Variants in PMEPA1 observed in about 807,000 individuals in gnomAD.
PMEPA1 encodes the protein prostate transmembrane protein, androgen induced 1.
In PMEPA1, 11 loss-of-function variants were observed where a neutral mutation model predicts 23.0. The observed-to-expected ratio is 0.48, with a 90% CI of 0.30 to 0.79. The LOEUF (loss-of-function observed/expected upper bound fraction) is 0.79. Among genes scored for constraint, PMEPA1 ranks in the 30% least tolerant of loss-of-function variants. The pLI, the probability that PMEPA1 is intolerant of heterozygous loss-of-function variation, is 0.06. For missense variants in PMEPA1, 377 were observed against 390.9 expected (o/e 0.96, Z 0.30); for synonymous variants, 204 against 166.4 (o/e 1.23, Z -1.74).
intron 1 of PMEPA1, among the ~76,000 whole-genome samples, chr20:57,677,894 C>T (rs532632553): frequency 7.2e-5 from 11 of 152,206 alleles, no homozygotes; most frequent in Non-Finnish European, 1.3e-4. Context: ...CTGACACCTA[C>T]AGCAACGTGG....
chr20:57,708,884 G>A (rs1416118729), intron 1 of PMEPA1, among the ~76,000 whole-genome samples: 1 of 151,928 alleles, frequency 6.6e-6, no homozygotes, highest in Non-Finnish European at 1.5e-5. Flanking sequence ...AAGACTCGGT[G>A]ACACGCACTC....
intron 1 of PMEPA1, among the ~76,000 whole-genome samples, chr20:57,699,425 A>C (rs2071982532): frequency 6.6e-6 from 1 of 152,352 alleles, no homozygotes; most frequent in Non-Finnish European, 1.5e-5. Flanking sequence ...TAGTTTATAA[A>C]TCAGTCAGCC....
intron 1 of PMEPA1, among the ~76,000 whole-genome samples, chr20:57,701,410 T>C (rs572916411): frequency 6.6e-6 from 1 of 152,290 alleles, no homozygotes; most frequent in South Asian, 2.1e-4. Flanking sequence ...TCTGGGGGCC[T>C]GCAGCAAGCT....
At chr20:57,690,842 G>C (rs1020109462) in intron 1 of PMEPA1, among the ~76,000 whole-genome samples, 1 of 152,226 alleles carries the variant, frequency 6.6e-6, no homozygotes, top group South Asian at 2.1e-4. Context: ...CCTCCTGGGA[G>C]AAAATGTGTG....
In PMEPA1 at chr20:57,683,129, A is replaced by C. The variant is rs1253628815; in HGVS notation, c.110-23432T>G. The stretch of plus-strand genomic sequence containing the variant: ...AGCTCAGATCTCCCTGAGCAGGTAG[A>C]GGCTGCTCACGTTAGAGGGCACGGA... On this transcript the variant is annotated intron_variant, in intron 1 of 3. Coordinates refer to ENST00000341744, the MANE Select transcript of PMEPA1 (RefSeq NM_020182.5). This position sits in a 1 kb window ranked among gnomAD's most constrained non-coding sequence, Gnocchi z 4.3. Among the ~76,000 whole-genome samples, 2 of 152,252 alleles carry C rather than the reference A, an allele frequency of 1.3e-5. No homozygotes were observed. Among genetic ancestry groups the C allele is most frequent in the African/African-American group, 4.8e-5 (2 of 41,468 alleles).
chr20:57,662,232 C>T (rs2071432192), intron 1 of PMEPA1, among the ~76,000 whole-genome samples: 1 of 152,234 alleles, frequency 6.6e-6, no homozygotes, highest in African/African-American at 2.4e-5. Context: ...GGTAACCGTC[C>T]TGCACCGACA....
At chr20:57,703,016 C>CA (rs1473556874) in intron 1 of PMEPA1, among the ~76,000 whole-genome samples, 2 of 152,236 alleles carry the variant, frequency 1.3e-5, no homozygotes, top group Non-Finnish European at 2.9e-5. Flanking sequence ...GGTTTGGTGA[C>CA]AAACAGTTCT....
chr20:57,665,866 C>T (rs951037301), intron 1 of PMEPA1, among the ~76,000 whole-genome samples: 1 of 152,230 alleles, frequency 6.6e-6, no homozygotes, highest in Admixed American at 6.5e-5. Flanking sequence ...TTCATACACA[C>T]ATCATGTTTT....
At chr20:57,699,484 C>T (rs550240399) in intron 1 of PMEPA1, among the ~76,000 whole-genome samples, 2 of 152,306 alleles carry the variant, frequency 1.3e-5, no homozygotes, top group South Asian at 2.1e-4. Flanking sequence ...ATCTAGAAAG[C>T]GGCTGAGCTA....
chr20:57,661,607 G>C (rs1175480818), intron 1 of PMEPA1, among the ~76,000 whole-genome samples: 1 of 152,190 alleles, frequency 6.6e-6, no homozygotes, highest in East Asian at 1.9e-4. Flanking sequence ...AGCCGGGGGA[G>C]GGGGATCGGG....
intron 1 of PMEPA1, among the ~76,000 whole-genome samples, chr20:57,695,741 C>T (rs774642309): frequency 6.6e-6 from 1 of 152,230 alleles, no homozygotes; most frequent in African/African-American, 2.4e-5. Flanking sequence ...TCCTCCCCCT[C>T]ACCAGACCTC....
Position 57,709,934 on chromosome 20 carries a change from G to A in PMEPA1, c.-352C>T, listed in dbSNP as rs2072148809. ...GAGCGCCTCCGCCGCCGCCGCCGCCGCCGCCTCCTCCTCCTCATTCAAGTC... is the reference window on the plus strand; with the variant it reads ...GAGCGCCTCCGCCGCCGCCGCCGCCACCGCCTCCTCCTCCTCATTCAAGTC... On this transcript the variant is annotated 5_prime_UTR_variant, in exon 1 of 4. Transcript: ENST00000341744. The A allele has an allele frequency of 1.4e-5, 14 of 1,011,330 alleles. No individual in the cohort carries two copies. Among genetic ancestry groups the A allele is most frequent in the Non-Finnish European group, 1.6e-5 (14 of 849,948 alleles). The allele number at this position is 1,011,330 out of a possible 1,614,324, so 62.6% of individuals were successfully genotyped here. A position where few individuals can be genotyped will look rare whatever the true frequency, so the allele number is the denominator to read the frequency against.
chr20:57,665,930 C>T (rs933301584), intron 1 of PMEPA1, among the ~76,000 whole-genome samples: 13 of 152,240 alleles, frequency 8.5e-5, no homozygotes, highest in African/African-American at 2.4e-4. Flanking sequence ...CCCAAGGGCC[C>T]GCCGTGGCAA....
chr20:57,658,954 G>C (rs1304900657), intron 2 of PMEPA1, among the ~76,000 whole-genome samples: 3 of 152,234 alleles, frequency 2.0e-5, no homozygotes, highest in African/African-American at 7.2e-5. Context: ...TGTGGACCCA[G>C]AATGCCTTCC....
At chr20:57,668,883 C>T (rs747974022) in intron 1 of PMEPA1, among the ~76,000 whole-genome samples, 1 of 152,196 alleles carries the variant, frequency 6.6e-6, no homozygotes, top group Non-Finnish European at 1.5e-5. Context: ...GCCTTGATCC[C>T]GGCCCCCAGG....
At chr20:57,668,412 CA>C (rs2071523169) in intron 1 of PMEPA1, among the ~76,000 whole-genome samples, 1 of 152,200 alleles carries the variant, frequency 6.6e-6, no homozygotes, top group African/African-American at 2.4e-5. Flanking sequence ...CCCCTGTACA[CA>C]AGGTTGTAGC....
chr20:57,680,217 G>C (rs1056160337), intron 1 of PMEPA1, among the ~76,000 whole-genome samples: 5 of 152,260 alleles, frequency 3.3e-5, no homozygotes, highest in African/African-American at 1.2e-4. Context: ...AGAGCTTTAA[G>C]TGCATTATAT....
upstream of PMEPA1, chr20:57,710,578 G>A (rs969823066): frequency 1.6e-5 from 18 of 1,098,140 alleles, no homozygotes; most frequent in Admixed American, 7.0e-5. Context: ...CAGGAAAGAC[G>A]GGAACTCGCG....
intron 1 of PMEPA1, among the ~76,000 whole-genome samples, chr20:57,674,551 C>T (rs2071611014): frequency 6.6e-6 from 1 of 152,222 alleles, no homozygotes; most frequent in African/African-American, 2.4e-5. Flanking sequence ...GAGGCAGGAC[C>T]CCTGCCCTGG....
Sources: allele counts gnomAD v4.1 joint callset (sites outside exome capture counted in the v4.1 genomes callset), GRCh38; gene constraint gnomAD v4.1.1; non-coding constraint Gnocchi (gnomAD v3.1); transcripts MANE v1.5; gene names NCBI Gene and HGNC (gene_info 2026-07-23, HGNC 2026-07-21).